Variants in SULT1E1 observed in about 807,000 individuals in gnomAD.
SULT1E1 encodes the protein sulfotransferase family 1E member 1, also known as sulfotransferase 1E1.
A neutral mutation model predicts 33.6 loss-of-function variants in SULT1E1; 36 were observed. The observed-to-expected ratio is 1.07, with a 90% confidence interval of 0.82 to 1.41. The LOEUF (loss-of-function observed/expected upper bound fraction) is 1.41, where lower values mean the gene tolerates loss of function less well. SULT1E1 is among the 40% of genes most tolerant of loss of function. The pLI, the probability that SULT1E1 is intolerant of heterozygous loss-of-function variation, is 0.00. For synonymous variants in SULT1E1, 121 were observed against 111.7 expected (o/e 1.08, Z -0.53); for missense variants, 371 against 345.7 (o/e 1.07, Z -0.58).
At position 69,841,303 on chromosome 4, in the gene SULT1E1, G is replaced by T. The variant is rs1230524091; in HGVS notation, c.*691C>A. The T allele has an allele frequency of 6.6e-6, 1 of 151,860 alleles. No homozygotes were observed. The highest frequency in any genetic ancestry group is 2.4e-5 in the African/African-American group (1 of 41,310). The allele number at this position is 151,860 out of a possible 1,614,324, so 9.4% of individuals were successfully genotyped here. On this transcript the variant is annotated 3_prime_UTR_variant, in exon 8 of 8. Transcript: ENST00000226444. ...ATTCCCATAGGTTATAGTTGTGCAT[G>T]ATATTTATAAAAAATAGAAAAGAAG...
intron 7 of SULT1E1, among the ~76,000 whole-genome samples, 166 bp from the exon 8 acceptor site, chr4:69,842,272 A>T (rs1484039834): frequency 2.6e-5 from 4 of 152,222 alleles, no homozygotes; most frequent in African/African-American, 7.2e-5. Flanking sequence ...TGGGCTTACA[A>T]AGATGGATTT....
chr4:69,857,814 C>A (rs1010166607), intron 1 of SULT1E1, among the ~76,000 whole-genome samples, 161 bp from the exon 2 acceptor site: 2 of 152,020 alleles, frequency 1.3e-5, no homozygotes, highest in Admixed American at 1.3e-4. Context: ...AGTTTTGGTA[C>A]ATAGAGAGTT....
At position 69,841,847 on chromosome 4, in the gene SULT1E1, A is replaced by G. The variant is rs528627955; in HGVS notation, c.*147T>C. On this transcript the variant is annotated 3_prime_UTR_variant, in exon 8 of 8. Coordinates refer to ENST00000226444, the MANE Select transcript of SULT1E1 (RefSeq NM_005420.3). ...CAGAGTGAGACTCTGTCTCAAAAAA[A>G]AAAAAAAAAAGTTAAACAAAAATTT... 294 of 524,832 alleles carry G rather than the reference A, an allele frequency of 5.6e-4. No homozygotes were observed. Among genetic ancestry groups the G allele is most frequent in the African/African-American group, 5.5e-3 (279 of 50,366 alleles). The allele number at this position is 524,832 out of a possible 1,614,324, so 32.5% of individuals were successfully genotyped here.
At chr4:69,822,194 C>G in the SULT1E1 span, among the ~76,000 whole-genome samples, 1 of 152,158 alleles carries the variant, frequency 6.6e-6, no homozygotes, top group Non-Finnish European at 1.5e-5. Context: ...GACAATGAAA[C>G]AGATCAGGGT....
At chr4:69,831,628 G>T in the SULT1E1 span, among the ~76,000 whole-genome samples, 67 of 152,278 alleles carry the variant, frequency 4.4e-4, no homozygotes, top group Middle Eastern at 3.4e-3. Flanking sequence ...ACATTCCAAT[G>T]GAGTGGGTTT....
chr4:69,834,739 G>A, the SULT1E1 span, among the ~76,000 whole-genome samples: 1 of 152,148 alleles, frequency 6.6e-6, no homozygotes, highest in Non-Finnish European at 1.5e-5. Flanking sequence ...GAAGGAAAAA[G>A]AGCAGAAAGA....
chr4:69,822,791 C>T, the SULT1E1 span, among the ~76,000 whole-genome samples: 26 of 152,202 alleles, frequency 1.7e-4, no homozygotes, highest in African/African-American at 6.3e-4. Context: ...ATTTAGCTTT[C>T]CCCCTCGACC....
chr4:69,829,166 C>T, the SULT1E1 span, among the ~76,000 whole-genome samples: 2 of 152,182 alleles, frequency 1.3e-5, no homozygotes, highest in Non-Finnish European at 2.9e-5. Context: ...GGTTTGGCAC[C>T]ACTGGGTGGA....
At chr4:69,829,848 A>G in the SULT1E1 span, among the ~76,000 whole-genome samples, 1 of 152,180 alleles carries the variant, frequency 6.6e-6, no homozygotes, top group East Asian at 1.9e-4. Flanking sequence ...AGTATCTACC[A>G]TAAAGTCCAT....
At chr4:69,825,420 C>A in the SULT1E1 span, among the ~76,000 whole-genome samples, 1 of 152,292 alleles carries the variant, frequency 6.6e-6, no homozygotes, top group Non-Finnish European at 1.5e-5. Flanking sequence ...CGTGAAGGGA[C>A]AATCACCAAG....
intron 2 of SULT1E1, 36 bp downstream of exon 2, chr4:69,857,464 A>AT: frequency 6.3e-7 from 1 of 1,575,106 alleles, no homozygotes; most frequent in South Asian, 1.2e-5. Context: ...TGTGTTTGTT[A>AT]TTTTTAGGTG....
At chr4:69,842,299 A>C (rs571419253) in intron 7 of SULT1E1, among the ~76,000 whole-genome samples, 193 bp from the exon 8 acceptor site, 1 of 152,288 alleles carries the variant, frequency 6.6e-6, no homozygotes, top group East Asian at 1.9e-4. Context: ...ATTGGTTTAA[A>C]AAAACAACAA....
chr4:69,828,232 G>T, the SULT1E1 span, among the ~76,000 whole-genome samples: 7 of 152,148 alleles, frequency 4.6e-5, no homozygotes, highest in Non-Finnish European at 4.4e-5. Flanking sequence ...AGCCAGCAGC[G>T]GCAACCCACT....
intron 4 of SULT1E1, among the ~76,000 whole-genome samples, chr4:69,851,946 G>A (rs991920921): frequency 3.3e-5 from 5 of 152,058 alleles, no homozygotes; most frequent in African/African-American, 1.2e-4. Context: ...GACACAAGAA[G>A]GGGAACATCA....
rs11569712 is a variant in SULT1E1, at chr4:69,844,175, G to T, written c.758C>A (p.Pro253His). Residue 253 changes from proline (P) to histidine (H), a missense_variant, in exon 7 of 8, where the codon CCC (proline) becomes CAC (histidine). Transcript: ENST00000226444. ...ATTTTTCTCACCCTTTCTCATGAAG[G>T]GCGACAATTTCTGGTTCATAATTTC... ...PDEIMNQKLS[P>H]FMRKGITGDW... 1.2e-6 allele frequency: 2 copies of T among 1,613,822 alleles called. No homozygotes were observed. Among genetic ancestry groups the T allele is most frequent in the Non-Finnish European group, 1.7e-6 (2 of 1,179,864 alleles).
Position 69,849,528 on chromosome 4 carries a change from A to C in SULT1E1, c.405T>G (p.Ala135=), listed in dbSNP as rs745993937. 6.2e-7 allele frequency: 1 copy of C among 1,610,030 alleles called. No individual in the cohort carries two copies. The highest frequency in any genetic ancestry group is 1.3e-5 in the African/African-American group (1 of 74,644). ...TTAGAAAGAAATAATAAAAGGAAAC[A>C]GCCACATCCTTTGCATTCCGGCAAA... ...IYLCRNAKDV[A]VSFYYFFLMV... Residue 135 remains alanine, a synonymous_variant, in exon 5 of 8, where the codon GCT becomes GCG. Transcript: ENST00000226444.
At chr4:69,830,260 C>T in the SULT1E1 span, among the ~76,000 whole-genome samples, 1 of 152,190 alleles carries the variant, frequency 6.6e-6, no homozygotes, top group African/African-American at 2.4e-5. Context: ...CCCTCTTTGC[C>T]TCCTGATTTT....
chr4:69,844,426 T>C (rs1472512996), intron 6 of SULT1E1, 85 bp from the exon 7 acceptor site: 6 of 988,366 alleles, frequency 6.1e-6, no homozygotes, highest in Non-Finnish European at 8.7e-6. Flanking sequence ...TAAACCTTTC[T>C]CTTTTCTCCT....
chr4:69,825,102 C>A, the SULT1E1 span, among the ~76,000 whole-genome samples: 2 of 151,868 alleles, frequency 1.3e-5, no homozygotes, highest in Non-Finnish European at 2.9e-5. Context: ...ACACTCACTG[C>A]GAAGGTCTGT....
Sources: allele counts gnomAD v4.1 joint callset (sites outside exome capture counted in the v4.1 genomes callset), GRCh38; gene constraint gnomAD v4.1.1; transcripts MANE v1.5; gene names NCBI Gene and HGNC (gene_info 2026-07-23, HGNC 2026-07-21).